The following PRELID2 variants were observed in gnomAD, a reference collection of about 807,000 sequenced individuals.
PRELID2 encodes PRELI domain-containing protein 2.
In PRELID2, 25 loss-of-function variants were observed where a neutral mutation model predicts 28.4. The observed-to-expected ratio is 0.88, with a 90% CI of 0.64 to 1.23. The LOEUF (loss-of-function observed/expected upper bound fraction) is 1.23. Ranked by LOEUF, PRELID2 falls within the 50% of genes most tolerant of loss-of-function variation. PRELID2 has a pLI of 0.00. For missense variants in PRELID2, 201 were observed against 214.4 expected (o/e 0.94, Z 0.39); for synonymous variants, 76 against 71.6 (o/e 1.06, Z -0.31).
At chr5:145,295,025 T>C in the PRELID2 span, among the ~76,000 whole-genome samples, 319 of 152,254 alleles carry the variant, frequency 2.1e-3, 9 homozygotes, top group East Asian at 0.053. Context: ...TAGATATTGA[T>C]TTCCTCAACC....
At chr5:145,275,977 A>G in the PRELID2 span, among the ~76,000 whole-genome samples, 2 of 152,164 alleles carry the variant, frequency 1.3e-5, no homozygotes, top group African/African-American at 4.8e-5. Context: ...CATAACTAGC[A>G]GTTTCTGACA....
chr5:145,534,450 G>T (rs1752682577), intron 1 of PRELID2, among the ~76,000 whole-genome samples: 1 of 152,008 alleles, frequency 6.6e-6, no homozygotes, highest in African/African-American at 2.4e-5. Flanking sequence ...GCTACAGCAT[G>T]CACCATTTAC....
rs141145127 is a variant in PRELID2 at position 145,632,339 on chromosome 5, G to T, written n.70+132592C>A. Among the ~76,000 whole-genome samples the T allele has an allele frequency of 5.3e-5, 8 of 152,172 alleles. No individual in the cohort carries two copies. The East Asian group carries it at 1.2e-3, about 22-fold the overall frequency. ...AACATTGCTCATACCCTTTCACCTG[G>T]TTAATTGTAATAACAAAAATTATAA... On this transcript the variant is annotated intron_variant and non_coding_transcript_variant, in intron 1 of 2. Transcript: ENST00000510259.
chr5:145,825,253 A>AAAAAAAAG (rs1561654992), intron 1 of PRELID2, among the ~76,000 whole-genome samples: 1 of 143,878 alleles, frequency 7.0e-6, no homozygotes, highest in Non-Finnish European at 1.5e-5. Context: ...AAAAAAAAAA[A>AAAAAAAAG]AAAAAAACTT....
intron 1 of PRELID2, among the ~76,000 whole-genome samples, chr5:145,484,353 GT>G (rs1752194742): frequency 6.6e-6 from 1 of 152,160 alleles, no homozygotes. Context: ...AAAAATCAAT[GT>G]AGCCTATTTC....
At chr5:145,441,860 C>T in the PRELID2 span, among the ~76,000 whole-genome samples, 1 of 152,108 alleles carries the variant, frequency 6.6e-6, no homozygotes, top group Non-Finnish European at 1.5e-5. Context: ...ACCACTAGAA[C>T]CAACCTCCCC....
chr5:145,690,328 T>C, intron 1 of PRELID2, among the ~76,000 whole-genome samples: 1 of 152,082 alleles, frequency 6.6e-6, no homozygotes, highest in East Asian at 1.9e-4. Flanking sequence ...ATGCTTAGGG[T>C]GAAGTTCCAA....
At chr5:145,396,511 A>G in the PRELID2 span, among the ~76,000 whole-genome samples, 405 of 151,350 alleles carry the variant, frequency 2.7e-3, 2 homozygotes, top group Admixed American at 5.1e-3. Flanking sequence ...AAAAAGTGAC[A>G]GAGAGACAGA....
rs1363007411 is a variant in PRELID2, at chr5:145,817,419, T to TTTTATATATATATATTTATA, written c.368+474_368+475insTATAAATATATATATATAAA. 1.0e-2 allele frequency among the ~76,000 whole-genome samples: 430 copies of TTTTATATATATATATTTATA among 43,176 alleles called. 5 individuals carry two copies. Among genetic ancestry groups the TTTTATATATATATATTTATA allele is most frequent in the Non-Finnish European group, 0.017 (327 of 18,936 alleles). The allele number at this position is 43,176 out of a possible 152,430, so 28.3% of individuals were successfully genotyped here. ...TATATGCAATAAAGGAATAAGCTAGTTTTATATATATATATATATATATAT... is the reference window on the plus strand; with the variant it reads ...TATATGCAATAAAGGAATAAGCTAGTTTTATATATATATATTTATATTTATATATATATATATATATATAT... On this transcript the variant is annotated intron_variant, in intron 4 of 6. Coordinates refer to ENST00000683046, the MANE Select transcript of PRELID2 (RefSeq NM_205846.3).
chr5:145,805,614 A>G (rs1753446542), intron 4 of PRELID2, among the ~76,000 whole-genome samples: 1 of 152,162 alleles, frequency 6.6e-6, no homozygotes, highest in Admixed American at 6.5e-5. Context: ...AAGGAAAAGG[A>G]GGATGAAAAA....
intron 1 of PRELID2, among the ~76,000 whole-genome samples, chr5:145,639,886 C>T (rs555159270): frequency 7.2e-5 from 11 of 152,210 alleles, no homozygotes; most frequent in African/African-American, 2.4e-4. Context: ...TTTAACTTAG[C>T]CTATACTCCC....
the PRELID2 span, among the ~76,000 whole-genome samples, chr5:145,253,368 T>G: frequency 6.6e-5 from 10 of 152,088 alleles, no homozygotes; most frequent in African/African-American, 2.2e-4. Context: ...ATAGTCCCCA[T>G]GTAAGGGTAA....
chr5:145,269,849 T>C, the PRELID2 span, among the ~76,000 whole-genome samples: 1 of 148,410 alleles, frequency 6.7e-6, no homozygotes, highest in African/African-American at 2.5e-5. Context: ...GACTGAGAAA[T>C]TCAATTTTAT....
chr5:145,419,791 A>T, the PRELID2 span, among the ~76,000 whole-genome samples: 1 of 151,988 alleles, frequency 6.6e-6, no homozygotes. Context: ...TGTTTTAGAC[A>T]TGAAGTCCTT....
intron 1 of PRELID2, among the ~76,000 whole-genome samples, chr5:145,479,420 A>C (rs1752136066): frequency 6.6e-6 from 1 of 152,110 alleles, no homozygotes; most frequent in Admixed American, 6.6e-5. Flanking sequence ...CCTCCTGTTC[A>C]TCCTGCAGAG....
the PRELID2 span, among the ~76,000 whole-genome samples, chr5:145,257,338 T>G: frequency 1.3e-5 from 2 of 152,120 alleles, no homozygotes; most frequent in South Asian, 4.1e-4. Flanking sequence ...ATATGCTTAC[T>G]GTAATTTTTA....
At chr5:145,705,693 T>C (rs148578275) in intron 1 of PRELID2, among the ~76,000 whole-genome samples, 114 of 152,298 alleles carry the variant, frequency 7.5e-4, no homozygotes, top group African/African-American at 2.6e-3. Context: ...ATGATACCTG[T>C]CACAACTAAT....
intron 5 of PRELID2, chr5:145,795,441 A>G (rs1426566131): frequency 6.6e-6 from 1 of 152,094 alleles, no homozygotes; most frequent in African/African-American, 2.4e-5. Context: ...AACGGTACTG[A>G]ATATTCATTC....
At chr5:145,596,491 A>G (rs1218323875) in intron 1 of PRELID2, among the ~76,000 whole-genome samples, 4 of 152,058 alleles carry the variant, frequency 2.6e-5, no homozygotes, top group Admixed American at 6.6e-5. Flanking sequence ...AAATGAGAAG[A>G]ATATCAAATT....
Sources: gnomAD v4.1 joint callset for allele counts (sites outside exome capture counted in the v4.1 genomes callset) on GRCh38, gnomAD v4.1.1 for gene constraint, MANE v1.5 for transcripts, NCBI Gene and HGNC (gene_info 2026-07-23, HGNC 2026-07-21) for gene names.